PPP2R3B: variants seen among roughly 807,000 people sequenced by gnomAD.
PPP2R3B encodes protein phosphatase 2 regulatory subunit B''beta, also known as serine/threonine-protein phosphatase 2A regulatory subunit B'' subunit beta.
PPP2R3B carries 68 observed loss-of-function variants against 72.9 expected under a neutral mutation model. The ratio of observed to expected loss-of-function variants is 0.93; its 90% CI spans 0.77 to 1.14. The LOEUF is 1.14. PPP2R3B is among the 50% of genes most tolerant of loss of function. The pLI, the probability that PPP2R3B is intolerant of heterozygous loss-of-function variation, is 0.00. For missense variants in PPP2R3B, 1,018 were observed against 842.0 expected (o/e 1.21, Z -2.59); for synonymous variants, 466 against 375.8 (o/e 1.24, Z -2.78).
At chrX:384,253 G>A (rs761821350) in intron 1 of PPP2R3B, among the ~76,000 whole-genome samples, 71 of 149,862 alleles carry the variant, frequency 4.7e-4, no homozygotes, top group African/African-American at 1.7e-3. Context: ...GCTCGCGCAC[G>A]CAAGAAGACT....
At chrX:367,439 T>TTC (rs2071745308) in intron 1 of PPP2R3B, among the ~76,000 whole-genome samples, 1 of 151,890 alleles carries the variant, frequency 6.6e-6, no homozygotes, top group African/African-American at 2.4e-5. Flanking sequence ...CTTTTTTTTT[T>TTC]CTTTATAGAG....
At chrX:334,588 C>T (rs2070837866) in intron 12 of PPP2R3B, 71 bp from the exon 13 acceptor site, 3 of 1,371,850 alleles carry the variant, frequency 2.2e-6, no homozygotes, top group African/African-American at 3.0e-5. Context: ...CCGGGAAACA[C>T]AGGCTGCTCG....
chrX:345,360 G>T, intron 7 of PPP2R3B, 156 bp downstream of exon 7: 1 of 1,060,926 alleles, frequency 9.4e-7, no homozygotes, highest in Non-Finnish European at 1.4e-6. Context: ...GGGAAGGAGA[G>T]GCAGCTGCAG....
intron 1 of PPP2R3B, among the ~76,000 whole-genome samples, chrX:382,545 C>T (rs2072150378): frequency 6.6e-6 from 1 of 152,108 alleles, no homozygotes; most frequent in African/African-American, 2.4e-5. Context: ...CCAATAAACT[C>T]AGTGCATTTC....
chrX:338,522 CCG>C lies in PPP2R3B; in HGVS notation c.1577+80_1577+81del. 4 of 408,740 alleles carry C rather than the reference CCG, an allele frequency of 9.8e-6. No individual in the cohort carries two copies. In the East Asian group the frequency reaches 2.3e-4, roughly 23 times the overall value. 25.3% of individuals were successfully genotyped at this position (408,740 alleles called of 1,614,324 possible). On this transcript the variant is annotated intron_variant, in intron 12 of 12. Coordinates refer to ENST00000390665, the MANE Select transcript of PPP2R3B (RefSeq NM_013239.5). ...CCGCATCCCCCGGCTGCACACACAC[CCG>C]TCCTCCCACTCACCCGTCCTCCCCA...
At chrX:358,775 G>A (rs1226508699) in intron 2 of PPP2R3B, among the ~76,000 whole-genome samples, 5 of 151,840 alleles carry the variant, frequency 3.3e-5, no homozygotes, top group Non-Finnish European at 4.4e-5. Context: ...GCGCCGAGGC[G>A]GGGAAGCACC....
chrX:354,939 C>T (rs890542220), intron 2 of PPP2R3B, among the ~76,000 whole-genome samples: 8 of 152,200 alleles, frequency 5.3e-5, no homozygotes, highest in Non-Finnish European at 1.2e-4. Flanking sequence ...AGGGCCGCTG[C>T]GTCACGGACG....
At chrX:351,344 C>T (rs1354138212) in intron 2 of PPP2R3B, among the ~76,000 whole-genome samples, 10 of 151,826 alleles carry the variant, frequency 6.6e-5, no homozygotes, top group Non-Finnish European at 1.2e-4. Flanking sequence ...AGGTTTCAAA[C>T]CCCAAGCGCT....
At chrX:359,064 A>G (rs1265351238) in intron 2 of PPP2R3B, among the ~76,000 whole-genome samples, 2 of 152,172 alleles carry the variant, frequency 1.3e-5, no homozygotes, top group African/African-American at 4.8e-5. Flanking sequence ...GGGCTGCGCG[A>G]GCGGCTTTGT....
In PPP2R3B at chrX:364,673, G is replaced by A. The variant is rs867568350; in HGVS notation, c.325-3083C>T. Among the ~76,000 whole-genome samples the A allele has an allele frequency of 7.0e-3, 735 of 105,018 alleles. 4 individuals are homozygous for A. Among genetic ancestry groups the A allele is most frequent in the Non-Finnish European group, 9.8e-3 (516 of 52,606 alleles). The allele number at this position is 105,018 out of a possible 152,430, so 68.9% of individuals were successfully genotyped here. A position where few individuals can be genotyped will look rare whatever the true frequency, so the allele number is the denominator to read the frequency against. On this transcript the variant is annotated intron_variant, in intron 1 of 12. Transcript: ENST00000390665. ...GCGGAGGTTGCAGTGAGCTGAGATC[G>A]CACCACTGCACTCCAGCCTGGGCGA...
At chrX:345,459 G>A (rs1455394162) in intron 7 of PPP2R3B, 57 bp downstream of exon 7, 23 of 1,606,964 alleles carry the variant, frequency 1.4e-5, no homozygotes, top group East Asian at 2.2e-5. Flanking sequence ...CGCAGGCCCT[G>A]AGAGAAGGGT....
chrX:383,416 TATTTCAG>T (rs1433923974), intron 1 of PPP2R3B, among the ~76,000 whole-genome samples: 1 of 152,172 alleles, frequency 6.6e-6, no homozygotes, highest in Non-Finnish European at 1.5e-5. Flanking sequence ...ACATTCTGAA[TATTTCAG>T]GCTTCCGTAG....
At position 346,270 on chromosome X, in the gene PPP2R3B, C is replaced by T. The variant is rs1378356523; in HGVS notation, c.793-10G>A. On this transcript the variant is annotated splice_polypyrimidine_tract_variant and intron_variant, in intron 5 of 12. Coordinates refer to ENST00000390665, the MANE Select transcript of PPP2R3B (RefSeq NM_013239.5). ...AGATCCGCTGGATGACCTGCGGGGG[C>T]GCTGTCAGTGCGGTGGGTGCGCAGA... 3 of 1,560,002 alleles carry T rather than the reference C, an allele frequency of 1.9e-6. No individual in the cohort carries two copies. The highest frequency in any genetic ancestry group is 2.2e-4 in the Middle Eastern group (1 of 4,526).
chrX:335,498 ACG>A (rs1286298270), intron 12 of PPP2R3B: 1 of 152,196 alleles, frequency 6.6e-6, no homozygotes, highest in African/African-American at 2.4e-5. Context: ...CAGGAATCGG[ACG>A]GGGCGGCTGA....
chrX:340,879 G>C lies in PPP2R3B; in HGVS notation c.1237C>G (p.Leu413Val). Residue 413 changes from leucine (L) to valine (V), a missense_variant, in exon 10 of 13, where the codon CTC (leucine) becomes GTC (valine). Coordinates refer to ENST00000390665, the MANE Select transcript of PPP2R3B (RefSeq NM_013239.5). ...CACTGCTCCTCGTAGAAGTACTCGAGCTCGAACATGGACAGGGCGCCGTCC... is the reference window on the plus strand; with the variant it reads ...CACTGCTCCTCGTAGAAGTACTCGACCTCGAACATGGACAGGGCGCCGTCC... ...DGDGALSMFE[L>V]EYFYEEQCRR... 1 of 1,612,086 alleles carries C rather than the reference G, an allele frequency of 6.2e-7. No homozygotes were observed.
intron 7 of PPP2R3B, chrX:342,376 G>A (rs2071102813): frequency 4.2e-5 from 8 of 189,300 alleles, no homozygotes; most frequent in Non-Finnish European, 1.1e-5. Context: ...AACGGGAGGC[G>A]GGAGTGAGAC....
At chrX:349,259 C>T (rs1181353895) in intron 2 of PPP2R3B, among the ~76,000 whole-genome samples, 2 of 152,118 alleles carry the variant, frequency 1.3e-5, no homozygotes, top group East Asian at 1.9e-4. Flanking sequence ...GAGGACGCAG[C>T]GGGAAGGCGC....
At chrX:372,977 A>C (rs1420205237) in intron 1 of PPP2R3B, among the ~76,000 whole-genome samples, 1 of 152,152 alleles carries the variant, frequency 6.6e-6, no homozygotes, top group Non-Finnish European at 1.5e-5. Context: ...TTACTGAATA[A>C]AACCACGCTG....
Position 334,329 on chromosome X carries a change from TGG to T in PPP2R3B, c.*36_*37del. 1 of 1,447,966 alleles carries T rather than the reference TGG, an allele frequency of 6.9e-7. No homozygotes were observed. The highest frequency in any genetic ancestry group is 9.0e-7 in the Non-Finnish European group (1 of 1,105,958). The allele number at this position is 1,447,966 out of a possible 1,614,324, so 89.7% of individuals were successfully genotyped here. A position where few individuals can be genotyped will look rare whatever the true frequency, so the allele number is the denominator to read the frequency against. On this transcript the variant is annotated 3_prime_UTR_variant, in exon 13 of 13. Coordinates refer to ENST00000390665, the MANE Select transcript of PPP2R3B (RefSeq NM_013239.5). ...GCCGCGGTGGCCCGGTGGTGGCACG[TGG>T]GGAGCGGCCCCGCGGCGGCGTTCTC...
Sources: allele counts gnomAD v4.1 joint callset (sites outside exome capture counted in the v4.1 genomes callset), GRCh38; gene constraint gnomAD v4.1.1; transcripts MANE v1.5; gene names NCBI Gene and HGNC (gene_info 2026-07-23, HGNC 2026-07-21).